The following NSMCE2 variants were observed in gnomAD, a reference collection of about 807,000 sequenced individuals.
The protein encoded by NSMCE2 is E3 SUMO-protein ligase NSE2.
NSMCE2 carries 24 observed loss-of-function variants against 23.8 expected under a neutral mutation model. That is an observed-to-expected ratio of 1.01 (90% CI 0.73 to 1.42). The LOEUF is 1.42. NSMCE2 is among the 40% of genes most tolerant of loss of function. The probability of loss-of-function intolerance (pLI) is 0.00; values close to 1 mark genes in which losing one functional copy is unlikely to be tolerated. For synonymous variants in NSMCE2, 92 were observed against 94.1 expected, an observed-to-expected ratio of 0.98 and a Z score of 0.13; for missense variants, 284 against 296.5, an observed-to-expected ratio of 0.96 and a Z score of 0.31.
chr8:125,130,647 T>A (rs1378414089), intron 3 of NSMCE2, among the ~76,000 whole-genome samples: 1 of 152,194 alleles, frequency 6.6e-6, no homozygotes, highest in African/African-American at 2.4e-5. Flanking sequence ...CTAAGCCCTT[T>A]CAGCAGACAG....
At chr8:125,194,256 C>A (rs546289986) in intron 5 of NSMCE2, among the ~76,000 whole-genome samples, 2 of 152,164 alleles carry the variant, frequency 1.3e-5, no homozygotes, top group South Asian at 4.2e-4. Flanking sequence ...GTTGACTCCT[C>A]CCCCCATTCC....
At chr8:125,204,586 G>A (rs16900431) in intron 5 of NSMCE2, among the ~76,000 whole-genome samples, 2,733 of 152,218 alleles carry the variant, frequency 0.018, 71 homozygotes, top group African/African-American at 0.063. Context: ...ATAGTTGTAT[G>A]GAGTCAAGAA....
chr8:125,294,023 T>C (rs889675247), intron 5 of NSMCE2, among the ~76,000 whole-genome samples: 18 of 152,354 alleles, frequency 1.2e-4, no homozygotes, highest in Non-Finnish European at 2.5e-4. Flanking sequence ...TTTCTATCTC[T>C]ATTTGCTGTT....
At chr8:125,244,321 G>A (rs1256417442) in intron 5 of NSMCE2, among the ~76,000 whole-genome samples, 1 of 152,098 alleles carries the variant, frequency 6.6e-6, no homozygotes, top group Non-Finnish European at 1.5e-5. Flanking sequence ...AATTTCCTAA[G>A]TTACTCATTC....
chr8:125,150,426 C>CTTTTTTTTTTCT (rs1820936288), intron 3 of NSMCE2, among the ~76,000 whole-genome samples: 1 of 61,848 alleles, frequency 1.6e-5, no homozygotes, highest in Non-Finnish European at 2.8e-5. Flanking sequence ...TTCTTTCTTT[C>CTTTTTTTTTTCT]TTTTTTTTTT....
intron 4 of NSMCE2, among the ~76,000 whole-genome samples, chr8:125,160,678 G>T (rs986010562): frequency 6.6e-6 from 1 of 152,030 alleles, no homozygotes; most frequent in East Asian, 1.9e-4. Context: ...GTGATGAGGG[G>T]GTCATTCTAG....
chr8:125,309,218 A>T (rs1828880430), intron 5 of NSMCE2, among the ~76,000 whole-genome samples: 2 of 149,344 alleles, frequency 1.3e-5, no homozygotes. Flanking sequence ...ATTCAACTCC[A>T]GCCTGGGCTA....
At chr8:125,117,493 C>T (rs951115275) in intron 3 of NSMCE2, among the ~76,000 whole-genome samples, 5 of 152,026 alleles carry the variant, frequency 3.3e-5, no homozygotes, top group Non-Finnish European at 7.4e-5. Context: ...CCAGTTAATG[C>T]GTTTTCTTTG....
At chr8:125,348,284 A>G (rs1812867814) in intron 5 of NSMCE2, 1 of 152,038 alleles carries the variant, frequency 6.6e-6, no homozygotes, top group Admixed American at 6.6e-5. Flanking sequence ...TGTTCTAGCC[A>G]TTTTTCTGAT....
chr8:125,292,680 C>G (rs1828156263), intron 5 of NSMCE2, among the ~76,000 whole-genome samples: 1 of 152,234 alleles, frequency 6.6e-6, no homozygotes, highest in Non-Finnish European at 1.5e-5. Context: ...CCAAAAGCTT[C>G]TTACCACCTG....
intron 5 of NSMCE2, among the ~76,000 whole-genome samples, chr8:125,259,651 T>C (rs562835983): frequency 8.3e-4 from 126 of 152,322 alleles, no homozygotes; most frequent in Admixed American, 1.9e-3. Flanking sequence ...AGCAACATCT[T>C]ACCCTGTGGC....
intron 3 of NSMCE2, among the ~76,000 whole-genome samples, chr8:125,120,031 T>A (rs933085687): frequency 5.3e-5 from 8 of 152,174 alleles, no homozygotes; most frequent in Non-Finnish European, 1.5e-5. Flanking sequence ...CTTTTAGAAA[T>A]GTTTTATTTA....
At chr8:125,294,252 A>G (rs1828235245) in intron 5 of NSMCE2, among the ~76,000 whole-genome samples, 3 of 152,236 alleles carry the variant, frequency 2.0e-5, no homozygotes, top group Non-Finnish European at 2.9e-5. Context: ...TATTATGGAT[A>G]GTGCTGCTGT....
chr8:125,342,308 T>C (rs980318685), intron 5 of NSMCE2, among the ~76,000 whole-genome samples: 8 of 152,260 alleles, frequency 5.3e-5, no homozygotes, highest in African/African-American at 1.9e-4. Flanking sequence ...CTAAGCATAT[T>C]GTCAAGCACT....
intron 3 of NSMCE2, among the ~76,000 whole-genome samples, chr8:125,149,071 T>G (rs1820840554): frequency 1.3e-5 from 2 of 152,210 alleles, no homozygotes; most frequent in African/African-American, 4.8e-5. Flanking sequence ...TCTAATAGTC[T>G]AACAATTTTA....
intron 5 of NSMCE2, among the ~76,000 whole-genome samples, chr8:125,200,867 T>G (rs1000278435): frequency 1.3e-5 from 2 of 151,856 alleles, no homozygotes; most frequent in African/African-American, 2.4e-5. Flanking sequence ...AGGCTTTGTT[T>G]CTTTTTACTC....
intron 5 of NSMCE2, among the ~76,000 whole-genome samples, chr8:125,272,184 T>G (rs559855230): frequency 6.6e-6 from 1 of 151,868 alleles, no homozygotes; most frequent in Non-Finnish European, 1.5e-5. Context: ...TGTCGAATTT[T>G]TTTGTATTTT....
At chr8:125,135,426 T>G (rs1028434616) in intron 3 of NSMCE2, among the ~76,000 whole-genome samples, 7 of 152,308 alleles carry the variant, frequency 4.6e-5, no homozygotes, top group Admixed American at 4.6e-4. Context: ...TCTTGTGGAT[T>G]GTGCTTTGCT....
chr8:125,173,666 G>A (rs1265656017), intron 4 of NSMCE2, among the ~76,000 whole-genome samples: 1 of 152,142 alleles, frequency 6.6e-6, no homozygotes, highest in South Asian at 2.1e-4. Context: ...GACAGGAAAG[G>A]CAGTTTCATA....
Sources: allele counts gnomAD v4.1 joint callset (sites outside exome capture counted in the v4.1 genomes callset), GRCh38; gene constraint gnomAD v4.1.1; transcripts MANE v1.5; gene names NCBI Gene and HGNC (gene_info 2026-07-23, HGNC 2026-07-21).